The following SANBR variants were observed in gnomAD, a reference collection of about 807,000 sequenced individuals.
SANBR encodes SANT and BTB domain regulator of class switch recombination.
In SANBR, 77 loss-of-function variants were observed where a neutral mutation model predicts 101.8. The observed-to-expected ratio is 0.76, with a 90% confidence interval of 0.63 to 0.91. The LOEUF (loss-of-function observed/expected upper bound fraction) is 0.91. Ranked by LOEUF, SANBR falls within the 40% of genes least tolerant of loss-of-function variation. SANBR has a pLI of 0.00. For synonymous variants in SANBR, 279 were observed against 274.7 expected, an observed-to-expected ratio of 1.02 and a Z score of -0.15; for missense variants, 875 against 853.0, an observed-to-expected ratio of 1.03 and a Z score of -0.32.
chr2:61,091,770 GAAACAA>G (rs921025222), intron 10 of SANBR, among the ~76,000 whole-genome samples: 7 of 151,804 alleles, frequency 4.6e-5, no homozygotes, highest in East Asian at 1.9e-4. Context: ...TCTCAAAAAC[GAAACAA>G]AAACAAAAAC....
intron 1 of SANBR, among the ~76,000 whole-genome samples, chr2:61,067,998 T>C (rs1277525955): frequency 6.6e-6 from 1 of 152,256 alleles, no homozygotes; most frequent in African/African-American, 2.4e-5. Flanking sequence ...TTCCAAAGGA[T>C]ACATTAAATG....
intron 8 of SANBR, among the ~76,000 whole-genome samples, chr2:61,087,014 C>G (rs1287817242): frequency 3.9e-5 from 6 of 152,098 alleles, no homozygotes; most frequent in Non-Finnish European, 5.9e-5. Context: ...TTAGAAGACT[C>G]AAGTTCAGTT....
intron 16 of SANBR, 76 bp downstream of exon 16, chr2:61,109,372 TG>T: frequency 1.3e-6 from 1 of 783,380 alleles, no homozygotes; most frequent in South Asian, 2.3e-5. Context: ...ATGCAAGGGA[TG>T]GGGAATTGGT....
intron 8 of SANBR, among the ~76,000 whole-genome samples, 179 bp downstream of exon 8, chr2:61,083,493 C>T (rs1424592846): frequency 6.6e-6 from 1 of 151,102 alleles, no homozygotes; most frequent in Non-Finnish European, 1.5e-5. Flanking sequence ...ACCTCCTGAG[C>T]TCTGGTGATC....
intron 21 of SANBR, among the ~76,000 whole-genome samples, chr2:61,134,936 C>T (rs1684800551): frequency 6.6e-6 from 1 of 151,914 alleles, no homozygotes; most frequent in Non-Finnish European, 1.5e-5. Context: ...CCTGTAATCC[C>T]AGCACTTTGG....
rs889040004 is a variant in SANBR at position 61,123,716 on chromosome 2, AG to A, written c.*1556del. On this transcript the variant is annotated 3_prime_UTR_variant, in exon 22 of 22. Transcript: ENST00000402291. The stretch of plus-strand genomic sequence containing the variant: ...TTTTGATTTTTAACTGATGGTAAAA[AG>A]GCAAACTGCTTCTCCCCTGGGAGGC... The A allele has an allele frequency of 1.0e-6, 1 of 985,386 alleles. No homozygotes were observed. The highest frequency in any genetic ancestry group is 1.7e-5 in the African/African-American group (1 of 57,248). 61.0% of individuals were successfully genotyped at this position (985,386 alleles called of 1,614,324 possible).
rs533113779 is a variant in SANBR at position 61,137,097 on chromosome 2, C to T, written c.*45-367C>T. 3.6e-4 allele frequency among the ~76,000 whole-genome samples: 54 copies of T among 151,730 alleles called. No individual in the cohort carries two copies. The South Asian group carries it at 8.3e-3, about 23-fold the overall frequency. Reference sequence around the variant, plus strand: ...AGAATGTGAGACAAGCCTAGGAAAACATAGTGAGACTCCATTTCTACAAAA... The same window carrying T: ...AGAATGTGAGACAAGCCTAGGAAAATATAGTGAGACTCCATTTCTACAAAA... On this transcript the variant is annotated intron_variant, in intron 21 of 21. Coordinates refer to the SANBR transcript ENST00000295031.
intron 6 of SANBR, among the ~76,000 whole-genome samples, chr2:61,079,972 C>T (rs1163423345): frequency 1.3e-5 from 2 of 150,172 alleles, no homozygotes; most frequent in African/African-American, 2.5e-5. Flanking sequence ...CCGAGGCGGA[C>T]GGATCACCTG....
chr2:61,117,948 G>T, intron 19 of SANBR, 80 bp from the exon 20 acceptor site: 1 of 996,796 alleles, frequency 1.0e-6, no homozygotes, highest in South Asian at 1.5e-5. Context: ...TAAACCCTAG[G>T]TGATTACAGT....
intron 20 of SANBR, among the ~76,000 whole-genome samples, chr2:61,133,692 G>T (rs777382254): frequency 3.9e-5 from 6 of 152,142 alleles, no homozygotes; most frequent in Admixed American, 6.5e-5. Context: ...ATCACAAAAA[G>T]TCACATATGA....
intron 5 of SANBR, 59 bp downstream of exon 5, chr2:61,073,610 T>A: frequency 1.1e-6 from 1 of 951,396 alleles, no homozygotes; most frequent in Non-Finnish European, 1.6e-6. Context: ...TCATAAAATA[T>A]ATGATTGGTG....
At chr2:61,134,914 T>C (rs1027730453) in intron 21 of SANBR, among the ~76,000 whole-genome samples, 5 of 150,806 alleles carry the variant, frequency 3.3e-5, no homozygotes, top group African/African-American at 1.2e-4. Flanking sequence ...TGGCTGGGAG[T>C]GGTGGCTCAC....
chr2:61,069,155 T>G (rs1008620733), intron 2 of SANBR, among the ~76,000 whole-genome samples, 170 bp downstream of exon 2: 2 of 152,204 alleles, frequency 1.3e-5, no homozygotes, highest in African/African-American at 4.8e-5. Context: ...TAATTATAAT[T>G]AACATTTATT....
At chr2:61,102,875 C>T (rs138438288) in intron 12 of SANBR, among the ~76,000 whole-genome samples, 2 of 152,100 alleles carry the variant, frequency 1.3e-5, no homozygotes, top group East Asian at 3.9e-4. Flanking sequence ...CAAGTGTTAG[C>T]AAGCATTTGG....
chr2:61,109,749 A>G (rs568796716), intron 16 of SANBR, among the ~76,000 whole-genome samples: 7 of 147,524 alleles, frequency 4.7e-5, no homozygotes, highest in Non-Finnish European at 8.9e-5. Flanking sequence ...GCTCACTGCA[A>G]CCTCTACTTC....
chr2:61,104,148 A>G, intron 13 of SANBR, 150 bp downstream of exon 13: 1 of 691,014 alleles, frequency 1.4e-6, no homozygotes, highest in Middle Eastern at 3.9e-4. Flanking sequence ...AGCTTACAGT[A>G]AGAGCAGACA....
Position 61,088,395 on chromosome 2 carries a change from G to T in SANBR, c.1015G>T (p.Glu339Ter). The change falls in exon 10 of 22, where the codon GAA becomes TAA. Residue 339 changes from glutamate to a stop codon, truncating the protein, a stop_gained. Transcript: ENST00000402291. LOFTEE classifies it high-confidence loss of function. ...LCKKLLTKETERRIPCIPGKI... is the reference protein window; with the variant it reads ...LCKKLLTKET ...TAAGAAACTTTTAACAAAAGAAACA[G>T]AAAGAAGAATTCCTTGCATTCCTGG... The T allele has an allele frequency of 6.2e-7, 1 of 1,602,952 alleles. No homozygotes were observed. The highest frequency in any genetic ancestry group is 8.5e-7 in the Non-Finnish European group (1 of 1,175,744).
downstream of SANBR, among the ~76,000 whole-genome samples, chr2:61,125,790 C>G (rs1208514746): frequency 3.3e-5 from 5 of 152,112 alleles, no homozygotes; most frequent in Non-Finnish European, 7.4e-5. Context: ...CCTCACAACG[C>G]CCGCCCCCGC....
At chr2:61,133,833 T>A (rs1316763294) in intron 20 of SANBR, among the ~76,000 whole-genome samples, 2 of 152,264 alleles carry the variant, frequency 1.3e-5, no homozygotes, top group East Asian at 3.9e-4. Flanking sequence ...GAGTTTCTCT[T>A]TGAGGTGATG....
Sources: gnomAD v4.1 joint callset for allele counts (sites outside exome capture counted in the v4.1 genomes callset) on GRCh38, gnomAD v4.1.1 for gene constraint, MANE v1.5 for transcripts, NCBI Gene and HGNC (gene_info 2026-07-23, HGNC 2026-07-21) for gene names.